Variants in MAK16 observed in about 807,000 individuals in gnomAD.
MAK16 encodes the protein protein MAK16 homolog.
A neutral mutation model predicts 49.9 loss-of-function variants in MAK16; 12 were observed. The ratio of observed to expected loss-of-function variants is 0.24; its 90% CI spans 0.15 to 0.39. The LOEUF is 0.39. Ranked by LOEUF, MAK16 falls within the 10% of genes least tolerant of loss-of-function variation. MAK16 has a pLI of 1.00. For missense variants in MAK16, 292 were observed against 363.7 expected (o/e 0.80, Z 1.60); for synonymous variants, 115 against 126.4 (o/e 0.91, Z 0.60).
intron 2 of MAK16, 37 bp downstream of exon 2, chr8:33,488,464 C>T (rs1449475903): frequency 1.2e-6 from 2 of 1,613,412 alleles, no homozygotes; most frequent in Non-Finnish European, 1.7e-6. Flanking sequence ...AAGATTCCTT[C>T]AGTTGCCTCT....
At chr8:33,493,017 T>C (rs1213838088) in intron 6 of MAK16, among the ~76,000 whole-genome samples, 2 of 152,100 alleles carry the variant, frequency 1.3e-5, no homozygotes, top group Non-Finnish European at 2.9e-5. Context: ...TTGTCATTGG[T>C]ATTTTGATAG....
rs1398600045 is a variant in MAK16, at chr8:33,500,090, C to G, written c.*1461C>G. ...TTGCCCATACTGTCTCGTCCTTAGCCCCAGTGACATGTGCTGATCCTCCTG... is the reference window on the plus strand; with the variant it reads ...TTGCCCATACTGTCTCGTCCTTAGCGCCAGTGACATGTGCTGATCCTCCTG... On this transcript the variant is annotated 3_prime_UTR_variant, in exon 10 of 10. Coordinates refer to ENST00000360128, the MANE Select transcript of MAK16 (RefSeq NM_032509.4). 1 of 466,666 alleles carries G rather than the reference C, an allele frequency of 2.1e-6. No homozygotes were observed. Among genetic ancestry groups the G allele is most frequent in the Non-Finnish European group, 3.9e-6 (1 of 259,044 alleles). 28.9% of individuals were successfully genotyped at this position (466,666 alleles called of 1,614,324 possible). A position where few individuals can be genotyped will look rare whatever the true frequency, so the allele number is the denominator to read the frequency against.
Position 33,500,654 on chromosome 8 carries a change from G to A in MAK16, c.*2025G>A, listed in dbSNP as rs559155176. 16 of 754,920 alleles carry A rather than the reference G, an allele frequency of 2.1e-5. 1 individual carries two copies. In the South Asian group the frequency reaches 2.7e-4, roughly 13 times the overall value. 46.8% of individuals were successfully genotyped at this position (754,920 alleles called of 1,614,324 possible). A position where few individuals can be genotyped will look rare whatever the true frequency, so the allele number is the denominator to read the frequency against. ...AAAACAGAACCAAAGACAGCCTCTA[G>A]ATTTCTTACCCTCAAGTCTCCTGTT... is the stretch of plus-strand genomic sequence containing the variant. On this transcript the variant is annotated 3_prime_UTR_variant, in exon 10 of 10. Coordinates refer to ENST00000360128, the MANE Select transcript of MAK16 (RefSeq NM_032509.4).
At chr8:33,494,004 T>A (rs1808816918) in intron 6 of MAK16, among the ~76,000 whole-genome samples, 1 of 152,240 alleles carries the variant, frequency 6.6e-6, no homozygotes. Context: ...GCGTATTTAT[T>A]TTTAAAAATG....
At chr8:33,486,813 C>T (rs1321906149) in intron 1 of MAK16, among the ~76,000 whole-genome samples, 1 of 152,090 alleles carries the variant, frequency 6.6e-6, no homozygotes, top group Non-Finnish European at 1.5e-5. Flanking sequence ...TTGAGAACTC[C>T]TTGTGGATAT....
chr8:33,485,546 G>T, intron 1 of MAK16: 2 of 424,122 alleles, frequency 4.7e-6, no homozygotes. Context: ...GGGGTGGGGG[G>T]CGGCCCGGGA....
chr8:33,496,563 A>C, intron 7 of MAK16, 62 bp from the exon 8 acceptor site: 1 of 1,234,504 alleles, frequency 8.1e-7, no homozygotes, highest in Non-Finnish European at 1.2e-6. Flanking sequence ...CTCCACAGAA[A>C]GTGGAACTTC....
rs542989601 is a variant in MAK16, at chr8:33,485,848, T to A, written c.15+627T>A. Among the ~76,000 whole-genome samples, 83 of 152,214 alleles carry A rather than the reference T, an allele frequency of 5.5e-4. 1 individual carries two copies. The highest frequency in any genetic ancestry group is 1.8e-3 in the African/African-American group (74 of 41,530). On this transcript the variant is annotated intron_variant, in intron 1 of 9. Transcript: ENST00000360128. Reference sequence around the variant, plus strand: ...CACAGTAAACAAGTGAACAAATAAGTTAACAATTACACTATATAATCATAC... The same window carrying A: ...CACAGTAAACAAGTGAACAAATAAGATAACAATTACACTATATAATCATAC...
At chr8:33,486,238 C>T (rs1012386902) in intron 1 of MAK16, among the ~76,000 whole-genome samples, 3 of 152,070 alleles carry the variant, frequency 2.0e-5, no homozygotes, top group African/African-American at 7.2e-5. Context: ...AAAATGAAAG[C>T]AAGGAGACTA....
Position 33,489,265 on chromosome 8 carries a change from G to GTTTCTCTTT in MAK16, c.392+126_392+127insTTTCTCTTT. ...GTGGAGTCTGTTATGATGTACTAAA[G>GTTTCTCTTT]AGAAACTTTAGCTTTGACTAAAGGT... On this transcript the variant is annotated intron_variant, in intron 5 of 9. Coordinates refer to ENST00000360128, the MANE Select transcript of MAK16 (RefSeq NM_032509.4). This position sits in a 1 kb window ranked among gnomAD's most constrained non-coding sequence, Gnocchi z 4.2. 1 of 812,732 alleles carries GTTTCTCTTT rather than the reference G, an allele frequency of 1.2e-6. No individual in the cohort carries two copies. The highest frequency in any genetic ancestry group is 1.9e-6 in the Non-Finnish European group (1 of 524,796). 50.3% of individuals were successfully genotyped at this position (812,732 alleles called of 1,614,324 possible).
At chr8:33,488,692 G>A in intron 3 of MAK16, 42 bp from the exon 4 acceptor site, 1 of 1,611,972 alleles carries the variant, frequency 6.2e-7, no homozygotes, top group Middle Eastern at 1.7e-4. Flanking sequence ...ATGTTCTTTA[G>A]TTTCTGTAAA....
Position 33,489,254 on chromosome 8 carries a change from G to A in MAK16, c.392+115G>A. On this transcript the variant is annotated intron_variant, in intron 5 of 9. Coordinates refer to ENST00000360128, the MANE Select transcript of MAK16 (RefSeq NM_032509.4). The surrounding 1 kb of genome is among the most constrained non-coding windows in gnomAD (Gnocchi z 4.2). Reference sequence around the variant, plus strand: ...TATTCAACTTTGTGGAGTCTGTTATGATGTACTAAAGAGAAACTTTAGCTT... The same window carrying A: ...TATTCAACTTTGTGGAGTCTGTTATAATGTACTAAAGAGAAACTTTAGCTT... The A allele has an allele frequency of 1.1e-6, 1 of 906,094 alleles. No individual in the cohort carries two copies. The highest frequency in any genetic ancestry group is 1.7e-6 in the Non-Finnish European group (1 of 602,204). 56.1% of individuals were successfully genotyped at this position (906,094 alleles called of 1,614,324 possible). A position where few individuals can be genotyped will look rare whatever the true frequency, so the allele number is the denominator to read the frequency against.
intron 5 of MAK16, among the ~76,000 whole-genome samples, chr8:33,490,008 A>C (rs1187891455): frequency 2.0e-5 from 3 of 152,254 alleles, no homozygotes; most frequent in African/African-American, 7.2e-5. Context: ...TGGCCGGATT[A>C]AAATACATGT....
chr8:33,486,821 T>C (rs939822848), intron 1 of MAK16, among the ~76,000 whole-genome samples: 2 of 152,178 alleles, frequency 1.3e-5, no homozygotes, highest in Non-Finnish European at 2.9e-5. Flanking sequence ...TCCTTGTGGA[T>C]ATGTTAATAT....
At chr8:33,495,272 T>A (rs1443703183) in intron 6 of MAK16, among the ~76,000 whole-genome samples, 1 of 152,258 alleles carries the variant, frequency 6.6e-6, no homozygotes, top group Non-Finnish European at 1.5e-5. Context: ...TAGACTTACA[T>A]GCTTTGTATC....
Position 33,500,599 on chromosome 8 carries a change from C to A in MAK16, c.*1970C>A. 7.4e-7 allele frequency: 1 copy of A among 1,357,494 alleles called. No homozygotes were observed. The highest frequency in any genetic ancestry group is 2.3e-5 in the Admixed American group (1 of 42,932). 84.1% of individuals were successfully genotyped at this position (1,357,494 alleles called of 1,614,324 possible). On this transcript the variant is annotated 3_prime_UTR_variant, in exon 10 of 10. Transcript: ENST00000360128. ...AGCTATCATTTCCTAAATTAAGGAA[C>A]TTAGGTCAAAGTTAAATGAAAAAGA...
At chr8:33,496,205 TCTC>T (rs751821046) in intron 7 of MAK16, among the ~76,000 whole-genome samples, 5 of 152,142 alleles carry the variant, frequency 3.3e-5, no homozygotes, top group Non-Finnish European at 7.4e-5. Flanking sequence ...GGGTTTTGCT[TCTC>T]CTGCATATTA....
At chr8:33,488,264 T>C (rs774678261) in intron 1 of MAK16, 114 bp from the exon 2 acceptor site, 3 of 1,150,118 alleles carry the variant, frequency 2.6e-6, no homozygotes, top group South Asian at 1.3e-5. Flanking sequence ...CAAGTCAGGC[T>C]ATTTTACAAA....
intron 6 of MAK16, among the ~76,000 whole-genome samples, chr8:33,491,267 T>C (rs1055050274): frequency 2.6e-5 from 4 of 152,216 alleles, no homozygotes; most frequent in Non-Finnish European, 5.9e-5. Flanking sequence ...ATCCCTTTGA[T>C]ACACTAATTT....
Sources: gnomAD v4.1 joint callset for allele counts (sites outside exome capture counted in the v4.1 genomes callset) on GRCh38, gnomAD v4.1.1 for gene constraint, Gnocchi (gnomAD v3.1) non-coding constraint, MANE v1.5 for transcripts, NCBI Gene and HGNC (gene_info 2026-07-23, HGNC 2026-07-21) for gene names.